ADGRB3: variants seen among roughly 807,000 people sequenced by gnomAD.
ADGRB3 encodes brain-specific angiogenesis inhibitor 3.
A neutral mutation model predicts 193.4 loss-of-function variants in ADGRB3; 37 were observed. The observed-to-expected ratio is 0.19, with a 90% CI of 0.15 to 0.25. The LOEUF (loss-of-function observed/expected upper bound fraction) is 0.25. Ranked by LOEUF, ADGRB3 falls within the 10% of genes least tolerant of loss-of-function variation. The pLI is 1.00. For missense variants in ADGRB3, 1,637 were observed against 1,852.9 expected, an observed-to-expected ratio of 0.88 and a Z score of 2.14; for synonymous variants, 690 against 644.2, an observed-to-expected ratio of 1.07 and a Z score of -1.08.
rs186492898 is a variant in ADGRB3, at chr6:68,849,296, C to T, written c.758-81263C>T. On this transcript the variant is annotated intron_variant, in intron 3 of 31. Coordinates refer to ENST00000370598, the MANE Select transcript of ADGRB3 (RefSeq NM_001704.3). The stretch of plus-strand genomic sequence containing the variant: ...TGCAGTAAAGTCTAAGGAATGACCA[C>T]AATGTAGACTAGCATCTAAGCTACA... Among the ~76,000 whole-genome samples the T allele has an allele frequency of 1.0e-3, 151 of 151,558 alleles. 1 individual carries two copies. The highest frequency in any genetic ancestry group is 3.3e-3 in the African/African-American group (138 of 41,344).
intron 3 of ADGRB3, among the ~76,000 whole-genome samples, chr6:68,871,839 G>A (rs1299008340): frequency 6.6e-6 from 1 of 152,032 alleles, no homozygotes; most frequent in Non-Finnish European, 1.5e-5. Flanking sequence ...CAAATTAAAT[G>A]TTTTATCTCC....
intron 3 of ADGRB3, among the ~76,000 whole-genome samples, chr6:68,814,835 C>G (rs1023781103): frequency 6.6e-6 from 1 of 152,086 alleles, no homozygotes. Flanking sequence ...TTTCAACATA[C>G]GAAAATCAAT....
chr6:68,875,193 CTTCCTT>C, intron 3 of ADGRB3, among the ~76,000 whole-genome samples: 1 of 112,562 alleles, frequency 8.9e-6, no homozygotes, highest in Admixed American at 9.4e-5. Flanking sequence ...TCCTTCCTTC[CTTCCTT>C]CCCCCGGCCC....
intron 20 of ADGRB3, among the ~76,000 whole-genome samples, chr6:69,274,475 T>TCCTC (rs570087128): frequency 1.2e-3 from 144 of 115,892 alleles, no homozygotes; most frequent in African/African-American, 1.8e-3. Context: ...CTTCCTTCCT[T>TCCTC]CCTCCCTCCC....
At chr6:69,238,133 A>G (rs936577324) in intron 19 of ADGRB3, among the ~76,000 whole-genome samples, 1 of 152,030 alleles carries the variant, frequency 6.6e-6, no homozygotes, top group Non-Finnish European at 1.5e-5. Flanking sequence ...AGTTTGACAG[A>G]TTTTTACCTT....
At chr6:69,233,267 TC>T in intron 17 of ADGRB3, 22 bp from the exon 18 acceptor site, 1 of 1,610,276 alleles carries the variant, frequency 6.2e-7, no homozygotes, top group Non-Finnish European at 8.5e-7. Context: ...CCCGATTTCC[TC>T]CCCCCTCACT....
Position 68,759,497 on chromosome 6 carries a change from T to G in ADGRB3, c.757+120065T>G, listed in dbSNP as rs1274481828. Among the ~76,000 whole-genome samples the G allele has an allele frequency of 4.6e-5, 7 of 152,126 alleles. 1 individual carries two copies. The South Asian group carries it at 1.4e-3, about 31-fold the overall frequency. The stretch of plus-strand genomic sequence containing the variant: ...TTTGTTTTAGTTCACTATTAATTCC[T>G]ATCTTGGTCTCTTTATTTTTAATAC... On this transcript the variant is annotated intron_variant, in intron 3 of 31. Coordinates refer to ENST00000370598, the MANE Select transcript of ADGRB3 (RefSeq NM_001704.3).
At chr6:68,713,279 A>T (rs1418528938) in intron 3 of ADGRB3, among the ~76,000 whole-genome samples, 2 of 151,924 alleles carry the variant, frequency 1.3e-5, no homozygotes, top group Non-Finnish European at 2.9e-5. Flanking sequence ...CTTCTGAATC[A>T]AATAATCAAA....
intron 20 of ADGRB3, among the ~76,000 whole-genome samples, chr6:69,310,763 C>T (rs1768172342): frequency 6.6e-6 from 1 of 151,544 alleles, no homozygotes; most frequent in Non-Finnish European, 1.5e-5. Flanking sequence ...AGTATTTTGA[C>T]CCTGAATTTC....
intron 17 of ADGRB3, among the ~76,000 whole-genome samples, chr6:69,120,671 A>G (rs1242596623): frequency 1.3e-5 from 2 of 152,184 alleles, no homozygotes; most frequent in Non-Finnish European, 2.9e-5. Flanking sequence ...TAGCCTGGAG[A>G]TGGTAGGCTG....
intron 20 of ADGRB3, among the ~76,000 whole-genome samples, chr6:69,300,244 G>A (rs1471879781): frequency 1.3e-5 from 2 of 151,654 alleles, no homozygotes; most frequent in Non-Finnish European, 3.0e-5. Context: ...TAGATGCAGA[G>A]AAAACATTTA....
At chr6:69,136,597 T>C (rs929869785) in intron 17 of ADGRB3, among the ~76,000 whole-genome samples, 4 of 150,898 alleles carry the variant, frequency 2.7e-5, no homozygotes, top group African/African-American at 9.7e-5. Flanking sequence ...AAAAATCGCC[T>C]TCATGGTTGT....
chr6:68,659,582 C>T (rs1014080001), intron 3 of ADGRB3, among the ~76,000 whole-genome samples: 4 of 150,712 alleles, frequency 2.7e-5, no homozygotes, highest in African/African-American at 9.7e-5. Context: ...ATTTATATTA[C>T]AACACAAATA....
intron 8 of ADGRB3, among the ~76,000 whole-genome samples, chr6:68,967,113 T>C (rs1768403237): frequency 1.3e-5 from 2 of 152,202 alleles, no homozygotes; most frequent in South Asian, 4.1e-4. Context: ...TGATTTCCCC[T>C]GCCATCTTCC....
intron 26 of ADGRB3, among the ~76,000 whole-genome samples, chr6:69,340,462 T>C (rs1768950354): frequency 6.6e-6 from 1 of 152,144 alleles, no homozygotes; most frequent in Non-Finnish European, 1.5e-5. Flanking sequence ...TTGCATTATC[T>C]AGCTTGTTTG....
chr6:69,257,665 A>T (rs1374822969), intron 20 of ADGRB3, among the ~76,000 whole-genome samples: 1 of 152,218 alleles, frequency 6.6e-6, no homozygotes, highest in Non-Finnish European at 1.5e-5. Flanking sequence ...TGGGGAAAAA[A>T]GTTAATTATT....
At chr6:68,738,930 C>G (rs1420459408) in intron 3 of ADGRB3, among the ~76,000 whole-genome samples, 2 of 152,026 alleles carry the variant, frequency 1.3e-5, no homozygotes, top group African/African-American at 4.8e-5. Flanking sequence ...CTGGGTCACT[C>G]CAACAGATTG....
chr6:69,117,479 A>G (rs1158100745), intron 17 of ADGRB3, among the ~76,000 whole-genome samples: 2 of 152,196 alleles, frequency 1.3e-5, no homozygotes, highest in Non-Finnish European at 2.9e-5. Context: ...GAACAGAAAA[A>G]GATACTCTAA....
chr6:68,895,141 A>G (rs1386677287), intron 3 of ADGRB3, among the ~76,000 whole-genome samples: 1 of 151,890 alleles, frequency 6.6e-6, no homozygotes, highest in Non-Finnish European at 1.5e-5. Flanking sequence ...ATCCTTCCCC[A>G]GATTTAACTT....
Sources: gnomAD v4.1 joint callset for allele counts (sites outside exome capture counted in the v4.1 genomes callset) on GRCh38, gnomAD v4.1.1 for gene constraint, MANE v1.5 for transcripts, NCBI Gene and HGNC (gene_info 2026-07-23, HGNC 2026-07-21) for gene names.